NHSL2: variants seen among roughly 807,000 people sequenced by gnomAD.
The protein encoded by NHSL2 is NHS-like protein 2.
NHSL2 carries 27 observed loss-of-function variants against 53.4 expected under a neutral mutation model. The ratio of observed to expected loss-of-function variants is 0.51; its 90% confidence interval spans 0.37 to 0.70. NHSL2 has a LOEUF of 0.70. Ranked by LOEUF, NHSL2 falls within the 30% of genes least tolerant of loss-of-function variation. NHSL2 has a pLI of 0.00. For missense variants in NHSL2, 892 were observed against 980.1 expected, an observed-to-expected ratio of 0.91 and a Z score of 1.20; for synonymous variants, 408 against 404.1, an observed-to-expected ratio of 1.01 and a Z score of -0.12.
intron 1 of NHSL2, among the ~76,000 whole-genome samples, chrX:72,102,027 T>C (rs947453459): frequency 8.9e-6 from 1 of 112,641 alleles, no homozygotes; most frequent in African/African-American, 3.2e-5. Context: ...TCCCTGAATG[T>C]TGGCAGCCTA....
chrX:72,042,628 G>A (rs1473076390), intron 1 of NHSL2, among the ~76,000 whole-genome samples: 2 of 110,610 alleles, frequency 1.8e-5, no homozygotes, highest in South Asian at 3.9e-4. Flanking sequence ...TAGAAGGGGG[G>A]TTAGAACTGG....
intron 1 of NHSL2, among the ~76,000 whole-genome samples, chrX:71,943,563 A>G (rs1025592116): frequency 1.8e-5 from 2 of 112,327 alleles, no homozygotes; most frequent in African/African-American, 6.5e-5. Flanking sequence ...TGTTCTATAT[A>G]CCTTGACTAA....
At position 71,982,703 on chromosome X, in the gene NHSL2, T is replaced by C. The variant is rs779418292; in HGVS notation, c.280+71336T>C. Among the ~76,000 whole-genome samples the C allele has an allele frequency of 8.0e-5, 9 of 112,268 alleles. No individual in the cohort carries two copies. The South Asian group carries it at 3.0e-3, about 37-fold the overall frequency. The stretch of plus-strand genomic sequence containing the variant: ...TTCTGGATAGCTGAACACGTGAAGA[T>C]TCATGGAGGGTGGCCTACCCAAGTA... On this transcript the variant is annotated intron_variant, in intron 1 of 7. Transcript: ENST00000633930.
chrX:72,144,108 G>T lies in NHSL2; in HGVS notation c.*534G>T. The T allele has an allele frequency of 7.7e-6, 1 of 129,190 alleles. No homozygotes were observed. Among genetic ancestry groups the T allele is most frequent in the South Asian group, 2.4e-4 (1 of 4,198 alleles). The allele number at this position is 129,190 out of a possible 1,213,427, so 10.6% of individuals were successfully genotyped here. Reference sequence around the variant, plus strand: ...CCCCTGCGCTCACAAGAGGTTTGCAGGGTGCACTTATTTCGGCATGAGGTT... The same window carrying T: ...CCCCTGCGCTCACAAGAGGTTTGCATGGTGCACTTATTTCGGCATGAGGTT... On this transcript the variant is annotated 3_prime_UTR_variant, in exon 8 of 8. Transcript: ENST00000633930.
intron 1 of NHSL2, among the ~76,000 whole-genome samples, chrX:72,040,617 C>T (rs1363166349): frequency 8.9e-6 from 1 of 111,910 alleles, no homozygotes; most frequent in East Asian, 2.8e-4. Context: ...GTCAGATGAG[C>T]TTCGTTATTT....
chrX:71,931,608 T>C (rs776326703), intron 1 of NHSL2, among the ~76,000 whole-genome samples: 1 of 112,550 alleles, frequency 8.9e-6, no homozygotes, highest in Non-Finnish European at 1.9e-5. Flanking sequence ...TTAGCGCCTT[T>C]TGTTAAAGAG....
chrX:72,041,648 C>T lies in NHSL2; in HGVS notation c.281-90431C>T, dbSNP rs758973822. Among the ~76,000 whole-genome samples the T allele has an allele frequency of 2.7e-5, 3 of 112,142 alleles. No individual in the cohort carries two copies. In the South Asian group the frequency reaches 1.1e-3, roughly 42 times the overall value. On this transcript the variant is annotated intron_variant, in intron 1 of 7. Transcript: ENST00000633930. ...GGCCAGGCACCCTGCTCTTCTCCTC[C>T]GCACACAGTCCAGACCCTGGGTGAT...
At chrX:71,984,670 C>T (rs1295188801) in intron 1 of NHSL2, among the ~76,000 whole-genome samples, 1 of 112,194 alleles carries the variant, frequency 8.9e-6, no homozygotes, top group Non-Finnish European at 1.9e-5. Flanking sequence ...ATAATTTTTT[C>T]TCTCTCCAGT....
rs368905496 is a variant in NHSL2, at chrX:72,137,184, G to A, written c.851G>A (p.Arg284Gln). 3.1e-5 allele frequency: 36 copies of A among 1,164,448 alleles called. No individual in the cohort carries two copies. The highest frequency in any genetic ancestry group is 2.3e-4 in the Middle Eastern group (1 of 4,323). The change falls in exon 5 of 8, where the codon CGG (arginine) becomes CAG (glutamine). Residue 284 changes from arginine (R) to glutamine (Q), a missense_variant. Coordinates refer to ENST00000633930, the MANE Select transcript of NHSL2 (RefSeq NM_001013627.3). ...CCCAAGTCCACCCTGAGGCGGAGGC[G>A]GACCATTATTGGATTCTCTAACTTT... Reference protein sequence around the residue: ...VNPKSTLRRRRTIIGFSNFSQ... With the variant: ...VNPKSTLRRRQTIIGFSNFSQ...
At chrX:72,015,670 T>C (rs899569583) in intron 1 of NHSL2, among the ~76,000 whole-genome samples, 1 of 112,253 alleles carries the variant, frequency 8.9e-6, no homozygotes, top group Admixed American at 9.4e-5. Flanking sequence ...TAGTCAGACT[T>C]TGAGTTCCGA....
chrX:71,985,584 C>A (rs1187536907), intron 1 of NHSL2, among the ~76,000 whole-genome samples: 1 of 112,441 alleles, frequency 8.9e-6, no homozygotes, highest in Admixed American at 9.4e-5. Flanking sequence ...AAGTTTTATT[C>A]CCAGGAATAT....
chrX:71,949,278 G>A (rs1182473897), intron 1 of NHSL2, among the ~76,000 whole-genome samples: 2 of 111,220 alleles, frequency 1.8e-5, no homozygotes, highest in Non-Finnish European at 3.8e-5. Context: ...GGCTGATAGA[G>A]AGGAACCTGG....
intron 1 of NHSL2, among the ~76,000 whole-genome samples, chrX:72,086,554 G>A (rs2041846325): frequency 1.8e-5 from 2 of 109,890 alleles, no homozygotes; most frequent in Non-Finnish European, 3.8e-5. Context: ...TGTGGTGGCA[G>A]GTGCCTGTAA....
chrX:72,052,490 C>T (rs750889062), intron 1 of NHSL2, among the ~76,000 whole-genome samples: 1 of 112,506 alleles, frequency 8.9e-6, no homozygotes, highest in East Asian at 2.8e-4. Context: ...CTGGGAGTTG[C>T]CTGGGAGGCC....
At chrX:72,110,002 C>T (rs1197350458) in intron 1 of NHSL2, among the ~76,000 whole-genome samples, 1 of 111,762 alleles carries the variant, frequency 8.9e-6, no homozygotes, top group Non-Finnish European at 1.9e-5. Flanking sequence ...AAAGTCACCC[C>T]ATTCCAGTAG....
At chrX:72,051,547 C>G (rs2042340382) in intron 1 of NHSL2, among the ~76,000 whole-genome samples, 1 of 111,389 alleles carries the variant, frequency 9.0e-6, no homozygotes, top group Non-Finnish European at 1.9e-5. Context: ...ACTGTCATAC[C>G]AGGTGATCAT....
At chrX:71,934,753 T>C (rs1051333757) in intron 1 of NHSL2, among the ~76,000 whole-genome samples, 6 of 111,295 alleles carry the variant, frequency 5.4e-5, no homozygotes, top group African/African-American at 2.0e-4. Flanking sequence ...GGATCTGTTT[T>C]GGAGTAGAGC....
intron 1 of NHSL2, among the ~76,000 whole-genome samples, chrX:72,070,031 G>A (rs1008580048): frequency 1.7e-4 from 19 of 112,341 alleles, no homozygotes; most frequent in African/African-American, 5.5e-4. Context: ...AGTGAGCAGC[G>A]TGCCAGTGAC....
At chrX:71,964,045 A>ATGTATATATATG in intron 1 of NHSL2, among the ~76,000 whole-genome samples, 1 of 72,740 alleles carries the variant, frequency 1.4e-5, no homozygotes, top group African/African-American at 6.8e-5. Flanking sequence ...ATATATATGT[A>ATGTATATATATG]TATATATATA....
Sources: allele counts gnomAD v4.1 joint callset (sites outside exome capture counted in the v4.1 genomes callset), GRCh38; gene constraint gnomAD v4.1.1; transcripts MANE v1.5; gene names NCBI Gene and HGNC (gene_info 2026-07-23, HGNC 2026-07-21).